The following KCP variants were observed in gnomAD, a reference collection of about 807,000 sequenced individuals.
The protein encoded by KCP is kielin cysteine rich BMP regulator, also known as kielin/chordin-like protein.
KCP carries 194 observed loss-of-function variants against 212.7 expected under a neutral mutation model. The observed-to-expected ratio is 0.91, with a 90% CI of 0.81 to 1.03. The LOEUF is 1.03. Among genes scored for constraint, KCP ranks in the 50% least tolerant of loss-of-function variants. KCP has a pLI of 0.00. For missense variants in KCP, 2,080 were observed against 2,162.5 expected (o/e 0.96, Z 0.76); for synonymous variants, 833 against 865.3 (o/e 0.96, Z 0.65).
chr7:128,891,944 G>A (rs557902678), intron 16 of KCP, 125 bp from the exon 17 acceptor site: 9 of 683,052 alleles, frequency 1.3e-5, no homozygotes, highest in African/African-American at 5.5e-5. Flanking sequence ...GGAGGAAGTG[G>A]CCATGTGCAC....
At position 128,880,028 on chromosome 7, in the gene KCP, C is replaced by A. The variant is rs981565611; in HGVS notation, c.3817G>T (p.Ala1273Ser). 3 of 1,549,198 alleles carry A rather than the reference C, an allele frequency of 1.9e-6. No homozygotes were observed. Among genetic ancestry groups the A allele is most frequent in the Non-Finnish European group, 2.6e-6 (3 of 1,146,686 alleles). The change falls in exon 35 of 40, where the codon GCT (alanine) becomes TCT (serine). Residue 1273 changes from alanine (A) to serine (S), a missense_variant. Ala to Ser is a moderately conservative substitution (Grantham distance 99). Transcript: ENST00000610776. ...SCCPRCLPRP[A>S]SCMAFGDPHY... is the part of the protein sequence containing the mutation. Reference sequence around the variant, plus strand: ...GGGTCTCCGAAGGCCATGCAGGAAGCGGGCCGAGGCAGGCAGCGGGGGCAG... The same window carrying A: ...GGGTCTCCGAAGGCCATGCAGGAAGAGGGCCGAGGCAGGCAGCGGGGGCAG...
Position 128,891,240 on chromosome 7 carries a change from C to A in KCP, c.1917G>T (p.Pro639=). The stretch of plus-strand genomic sequence containing the variant: ...GCAGGACAGGCTCTGGACAGGGCAG[C>A]GGCACGCAGCGGCGGGCCAGGCACT... ...NVQCLARRCV[P]LPCPEPVLLP... The change falls in exon 19 of 40, where the codon CCG becomes CCT. Residue 639 remains proline (P), a synonymous_variant. Coordinates refer to ENST00000610776, the MANE Select transcript of KCP (RefSeq NM_001366122.1). 1 of 1,546,758 alleles carries A rather than the reference C, an allele frequency of 6.5e-7. No individual in the cohort carries two copies. Among genetic ancestry groups the A allele is most frequent in the Non-Finnish European group, 8.7e-7 (1 of 1,146,616 alleles).
chr7:128,880,409 A>T lies in KCP; in HGVS notation c.3736T>A (p.Cys1246Ser). Residue 1246 changes from cysteine (C) to serine (S), a missense_variant, in exon 34 of 40, where the codon TGC (cysteine) becomes AGC (serine). By Grantham distance (112) the Cys-to-Ser change is moderately radical. Coordinates refer to ENST00000610776, the MANE Select transcript of KCP (RefSeq NM_001366122.1). ...ACGGGGCCACACGAGAGCGGTGAGC[A>T]GCGCTGGCTCTGGCAACGCACGGTG... ...AGTVRCQSQR[C>S]SPLSCGPDKA... 1 of 1,541,212 alleles carries T rather than the reference A, an allele frequency of 6.5e-7. No homozygotes were observed. The highest frequency in any genetic ancestry group is 8.8e-7 in the Non-Finnish European group (1 of 1,141,112).
chr7:128,887,366 A>G (rs1483948470), intron 22 of KCP, 66 bp from the exon 23 acceptor site: 1 of 1,203,300 alleles, frequency 8.3e-7, no homozygotes, highest in African/African-American at 1.5e-5. Context: ...ACACACACAC[A>G]CAGCCCCTCC....
chr7:128,878,017 T>C (rs969595141), intron 38 of KCP, among the ~76,000 whole-genome samples: 4 of 151,192 alleles, frequency 2.6e-5, no homozygotes, highest in Non-Finnish European at 5.9e-5. Flanking sequence ...AGCCAGTGAG[T>C]GGCAAAGCAA....
chr7:128,890,260 CCT>C (rs1794006963), intron 21 of KCP, 81 bp downstream of exon 21: 2 of 1,550,922 alleles, frequency 1.3e-6, no homozygotes, highest in African/African-American at 2.7e-5. Flanking sequence ...TTAGATCCAC[CCT>C]AGGGCAGTAA....
rs1323137295 is a variant in KCP, at chr7:128,886,910, G to T, written c.2655C>A (p.Pro885=). The T allele has an allele frequency of 6.5e-6, 10 of 1,531,852 alleles. No individual in the cohort carries two copies. Among genetic ancestry groups the T allele is most frequent in the Non-Finnish European group, 8.8e-6 (10 of 1,136,810 alleles). The allele number at this position is 1,531,852 out of a possible 1,614,324, so 94.9% of individuals were successfully genotyped here. A position where few individuals can be genotyped will look rare whatever the true frequency, so the allele number is the denominator to read the frequency against. The change falls in exon 24 of 40, where the codon CCC becomes CCA. Residue 885 remains proline, a synonymous_variant. Transcript: ENST00000610776. ...KPCPPALCPH[P]SPGPCFCPVC... is the part of the protein sequence containing the mutation. ...CAGGGCAGAAGCAGGGGCCTGGAGA[G>T]GGGTGGGGGCAGAGAGCTGGGGGAC...
chr7:128,898,728 T>C (rs939749936), intron 8 of KCP, among the ~76,000 whole-genome samples: 1 of 152,192 alleles, frequency 6.6e-6, no homozygotes, highest in Non-Finnish European at 1.5e-5. Flanking sequence ...TTAAGTTAGA[T>C]AGAATAAAGC....
At chr7:128,907,712 T>G (rs1795198101) in intron 2 of KCP, among the ~76,000 whole-genome samples, 1 of 152,192 alleles carries the variant, frequency 6.6e-6, no homozygotes, top group Admixed American at 6.5e-5. Flanking sequence ...CCAAAATATT[T>G]TTGATGATGC....
chr7:128,878,821 G>C (rs1793146549), intron 37 of KCP, 99 bp from the exon 38 acceptor site: 2 of 1,222,854 alleles, frequency 1.6e-6, no homozygotes, highest in Non-Finnish European at 1.1e-6. Flanking sequence ...AGTGCGGCCA[G>C]TGCTGTAGGG....
At position 128,877,805 on chromosome 7, in the gene KCP, C is replaced by T. The variant is rs1179173373; in HGVS notation, c.4312-15G>A. ...CCCTCTGAGACCTGGGTGGGGAGAG[C>T]AGCCCTGACGTGACAGCACCACTGG... On this transcript the variant is annotated splice_polypyrimidine_tract_variant and intron_variant, in intron 38 of 39. Transcript: ENST00000610776. 1 of 1,538,382 alleles carries T rather than the reference C, an allele frequency of 6.5e-7. No homozygotes were observed. The highest frequency in any genetic ancestry group is 8.8e-7 in the Non-Finnish European group (1 of 1,140,122).
At chr7:128,890,845 C>A in intron 20 of KCP, 60 bp downstream of exon 20, 2 of 1,197,644 alleles carry the variant, frequency 1.7e-6, no homozygotes, top group South Asian at 3.7e-5. Context: ...GCAGGGCGCT[C>A]CGGGGCGGGG....
chr7:128,906,254 G>C, intron 5 of KCP, 25 bp downstream of exon 5: 1 of 1,531,208 alleles, frequency 6.5e-7, no homozygotes, highest in Admixed American at 2.0e-5. Flanking sequence ...GCAGGAGGTG[G>C]GGCTGAGACT....
rs1485399863 is a variant in KCP at position 128,893,375 on chromosome 7, C to T, written c.1185+16G>A. 14 of 1,551,468 alleles carry T rather than the reference C, an allele frequency of 9.0e-6. No individual in the cohort carries two copies. The highest frequency in any genetic ancestry group is 6.8e-5 in the African/African-American group (5 of 73,038). On this transcript the variant is annotated intron_variant, in intron 12 of 39. Transcript: ENST00000610776. ...GGAATGAGGCAGATCTGGGTGTGAG[C>T]GGAGGGACCGCCTACCTGGCAGGAG...
rs1010603047 is a variant in KCP at position 128,887,259 on chromosome 7, G to A, written c.2554C>T (p.Leu852Phe). 1.3e-6 allele frequency: 2 copies of A among 1,551,418 alleles called. No individual in the cohort carries two copies. The highest frequency in any genetic ancestry group is 2.4e-5 in the South Asian group (2 of 84,070). ...HGVTTASGET[L>F]PDPLDPTCSL... ...CAGGTAGGGTCAAGTGGGTCAGGAA[G>A]GGTCTCTCCGGAGGCAGTAGTGACG... Residue 852 changes from leucine (L) to phenylalanine (F), a missense_variant, in exon 23 of 40, where the codon CTT becomes TTT. Coordinates refer to ENST00000610776, the MANE Select transcript of KCP (RefSeq NM_001366122.1).
At chr7:128,892,311 G>A (rs1325049931) in intron 16 of KCP, among the ~76,000 whole-genome samples, 1 of 152,142 alleles carries the variant, frequency 6.6e-6, no homozygotes, top group African/African-American at 2.4e-5. Flanking sequence ...AGAGGGTGGT[G>A]TAGGTACAGG....
At chr7:128,900,431 C>G (rs1218286049) in intron 8 of KCP, among the ~76,000 whole-genome samples, 7 of 152,208 alleles carry the variant, frequency 4.6e-5, no homozygotes, top group Non-Finnish European at 1.0e-4. Context: ...ATGTAAAAAT[C>G]TGGAGTCAAT....
Position 128,907,466 on chromosome 7 carries a change from G to T in KCP, c.220-13C>A. 2 of 1,454,960 alleles carry T rather than the reference G, an allele frequency of 1.4e-6. No homozygotes were observed. Among genetic ancestry groups the T allele is most frequent in the African/African-American group, 1.4e-5 (1 of 70,172 alleles). The allele number at this position is 1,454,960 out of a possible 1,614,324, so 90.1% of individuals were successfully genotyped here. The stretch of plus-strand genomic sequence containing the variant: ...GCAGGTCCTTATTCTGGAGGAAGGA[G>T]ATGGAATAGCAGGCACTGGCTCAGC... On this transcript the variant is annotated splice_polypyrimidine_tract_variant and intron_variant, in intron 2 of 39. Transcript: ENST00000610776.
At position 128,882,226 on chromosome 7, in the gene KCP, A is replaced by T. The variant is rs138391357; in HGVS notation, c.3245-210T>A. Among the ~76,000 whole-genome samples the T allele has an allele frequency of 1.1e-3, 164 of 152,272 alleles. 1 individual carries two copies. Among genetic ancestry groups the T allele is most frequent in the African/African-American group, 3.5e-3 (145 of 41,556 alleles). Reference sequence around the variant, plus strand: ...TTAAAAGAAACTTTGCTAGGCTATTATTTGGGGCCGGGTGGGGGTGCAAGG... The same window carrying T: ...TTAAAAGAAACTTTGCTAGGCTATTTTTTGGGGCCGGGTGGGGGTGCAAGG... On this transcript the variant is annotated intron_variant, in intron 29 of 39. Coordinates refer to ENST00000610776, the MANE Select transcript of KCP (RefSeq NM_001366122.1).
Sources: allele counts gnomAD v4.1 joint callset (sites outside exome capture counted in the v4.1 genomes callset), GRCh38; gene constraint gnomAD v4.1.1; transcripts MANE v1.5; gene names NCBI Gene and HGNC (gene_info 2026-07-23, HGNC 2026-07-21).